The following FARP1 variants were observed in gnomAD, a reference collection of about 807,000 sequenced individuals.
FARP1 encodes FERM, ARH/RhoGEF and pleckstrin domain protein 1, also known as FERM, ARHGEF and pleckstrin domain-containing protein 1.
A neutral mutation model predicts 128.8 loss-of-function variants in FARP1; 52 were observed. That is an observed-to-expected ratio of 0.40 (90% CI 0.32 to 0.51). The LOEUF (loss-of-function observed/expected upper bound fraction) is 0.51, where lower values mean the gene tolerates loss of function less well. FARP1 is among the 20% of genes least tolerant of loss of function. The pLI is 0.45. For missense variants in FARP1, 1,333 were observed against 1,367.9 expected (o/e 0.97, Z 0.40); for synonymous variants, 580 against 551.8 (o/e 1.05, Z -0.72).
chr13:98,192,537 C>T (rs1265815860), intron 1 of FARP1, among the ~76,000 whole-genome samples: 1 of 152,106 alleles, frequency 6.6e-6, no homozygotes, highest in East Asian at 1.9e-4. Context: ...TTACAGACAT[C>T]TGCTACGACG....
rs1892488822 is a variant in FARP1, at chr13:98,440,724, C to T, written c.2684C>T (p.Ala895Val). 2.5e-6 allele frequency: 4 copies of T among 1,613,566 alleles called. No homozygotes were observed. In the East Asian group the frequency reaches 8.9e-5, roughly 36 times the overall value. ...CAGGAGTCAGAGGATGACCTGAGCGCCTCGCGCACATCGCTGGAGCGCCAG... is the reference window on the plus strand; with the variant it reads ...CAGGAGTCAGAGGATGACCTGAGCGTCTCGCGCACATCGCTGGAGCGCCAG... ...ADQESEDDLS[A>V]SRTSLERQAP... The change falls in exon 24 of 27, where the codon GCC becomes GTC. Residue 895 changes from alanine to valine, a missense_variant. By Grantham distance (64) the Ala-to-Val change is moderately conservative. This residue lies in a region of FARP1 where 1,009 missense variants were observed against 969.8 expected (regional missense o/e 1.04). Transcript: ENST00000319562.
At chr13:98,165,541 G>A (rs1438091840) in intron 1 of FARP1, among the ~76,000 whole-genome samples, 3 of 151,728 alleles carry the variant, frequency 2.0e-5, no homozygotes, top group African/African-American at 7.3e-5. Context: ...GAAAAAGTTT[G>A]TTACACAAAT....
intron 8 of FARP1, among the ~76,000 whole-genome samples, chr13:98,386,417 C>G (rs1890101299): frequency 2.0e-5 from 3 of 152,154 alleles, no homozygotes; most frequent in South Asian, 4.1e-4. Flanking sequence ...AATGTGTGCT[C>G]TATTGATCAT....
At chr13:98,198,319 A>G (rs1415482945) in intron 1 of FARP1, among the ~76,000 whole-genome samples, 1 of 152,160 alleles carries the variant, frequency 6.6e-6, no homozygotes, top group African/African-American at 2.4e-5. Context: ...AAAGCATCTC[A>G]ACATAGCCCA....
chr13:98,245,213 T>C lies in FARP1; in HGVS notation c.171+31800T>C. On this transcript the variant is annotated intron_variant, in intron 2 of 26. Coordinates refer to ENST00000319562, the MANE Select transcript of FARP1 (RefSeq NM_005766.4). ...CCATATTACTGTGTTCTGAGAAATC[T>C]ACAGTAATTTTTGTGTAACTTTTTT... 3 of 985,212 alleles carry C rather than the reference T, an allele frequency of 3.0e-6. No homozygotes were observed. The Admixed American group carries it at 1.8e-4, about 60-fold the overall frequency. The allele number at this position is 985,212 out of a possible 1,614,324, so 61.0% of individuals were successfully genotyped here. A position where few individuals can be genotyped will look rare whatever the true frequency, so the allele number is the denominator to read the frequency against.
intron 1 of FARP1, among the ~76,000 whole-genome samples, chr13:98,147,469 C>G (rs1875655907): frequency 6.6e-6 from 1 of 152,090 alleles, no homozygotes; most frequent in African/African-American, 2.4e-5. Context: ...ACTAGACTGC[C>G]TTTAACTCTC....
intron 1 of FARP1, among the ~76,000 whole-genome samples, chr13:98,197,648 T>G (rs1373216398): frequency 6.6e-6 from 1 of 151,804 alleles, no homozygotes; most frequent in African/African-American, 2.4e-5. Context: ...TTAATTTTTT[T>G]TTTTGAGATG....
At chr13:98,384,045 C>G (rs1209365738) in intron 6 of FARP1, 4 of 152,116 alleles carry the variant, frequency 2.6e-5, no homozygotes, top group Admixed American at 2.0e-4. Context: ...TTATAAAGTC[C>G]TGAAGTTTTA....
intron 13 of FARP1, chr13:98,404,357 G>A (rs1890896867): frequency 6.6e-6 from 1 of 152,142 alleles, no homozygotes; most frequent in African/African-American, 2.4e-5. Context: ...GGCTTTTCTT[G>A]TGGAACTTTG....
chr13:98,293,069 C>T (rs920468926), intron 2 of FARP1, among the ~76,000 whole-genome samples: 6 of 151,954 alleles, frequency 3.9e-5, no homozygotes, highest in South Asian at 2.1e-4. Context: ...CCGTTTGTGT[C>T]GGTGGGTATG....
At chr13:98,240,005 C>T (rs754971621) in intron 2 of FARP1, among the ~76,000 whole-genome samples, 5 of 152,084 alleles carry the variant, frequency 3.3e-5, no homozygotes, top group Admixed American at 1.3e-4. Flanking sequence ...AGGTGATATC[C>T]GTGGTGATCC....
upstream of FARP1, chr13:98,142,956 G>C (rs1213143208): frequency 2.7e-5 from 4 of 149,956 alleles, no homozygotes; most frequent in Admixed American, 2.7e-4. Context: ...AGCGGAGCGG[G>C]GCGGGGCGGG....
intron 4 of FARP1, among the ~76,000 whole-genome samples, chr13:98,366,168 A>G (rs1889074777): frequency 6.6e-6 from 1 of 152,090 alleles, no homozygotes; most frequent in Non-Finnish European, 1.5e-5. Flanking sequence ...AGAATACTGT[A>G]TCCTTTTAGT....
intron 6 of FARP1, among the ~76,000 whole-genome samples, chr13:98,378,135 G>C (rs189656449): frequency 2.6e-5 from 4 of 152,302 alleles, no homozygotes; most frequent in African/African-American, 9.6e-5. Flanking sequence ...TTTCTGTTCA[G>C]GTGTTTGTCT....
intron 2 of FARP1, among the ~76,000 whole-genome samples, chr13:98,257,974 A>G (rs549644086): frequency 2.0e-5 from 3 of 152,184 alleles, no homozygotes; most frequent in African/African-American, 7.2e-5. Flanking sequence ...CACCATTGAT[A>G]TATATAATTT....
At chr13:98,372,664 T>G (rs1889400927) in intron 5 of FARP1, among the ~76,000 whole-genome samples, 1 of 152,110 alleles carries the variant, frequency 6.6e-6, no homozygotes, top group Non-Finnish European at 1.5e-5. Flanking sequence ...TGAAATAAAT[T>G]ATTCATATTG....
rs112901397 is a variant in FARP1, at chr13:98,165,527, G to A, written c.-24+22035G>A. Among the ~76,000 whole-genome samples the A allele has an allele frequency of 7.2e-3, 1,095 of 151,932 alleles. 17 individuals carry two copies. The highest frequency in any genetic ancestry group is 0.025 in the African/African-American group (1,024 of 41,432). On this transcript the variant is annotated intron_variant, in intron 1 of 26. Coordinates refer to ENST00000319562, the MANE Select transcript of FARP1 (RefSeq NM_005766.4). ...CTAAAGTTTGTTTTAACAGAAGGCCGTGGGAAAAAGTTTGTTACACAAATA... is the reference window on the plus strand; with the variant it reads ...CTAAAGTTTGTTTTAACAGAAGGCCATGGGAAAAAGTTTGTTACACAAATA...
At chr13:98,163,003 C>T (rs1412829245) in intron 1 of FARP1, among the ~76,000 whole-genome samples, 6 of 152,126 alleles carry the variant, frequency 3.9e-5, no homozygotes, top group Non-Finnish European at 7.3e-5. Context: ...GTCATTCTAC[C>T]ATAAGGACAT....
intron 2 of FARP1, among the ~76,000 whole-genome samples, chr13:98,337,415 A>C (rs966128392): frequency 6.6e-6 from 1 of 152,130 alleles, no homozygotes; most frequent in Non-Finnish European, 1.5e-5. Context: ...TCTTGGAAAA[A>C]CAACAAAACA....
Sources: gnomAD v4.1 joint callset for allele counts (sites outside exome capture counted in the v4.1 genomes callset) on GRCh38, gnomAD v4.1.1 for gene constraint, gnomAD v4.1.1 regional missense constraint, MANE v1.5 for transcripts, NCBI Gene and HGNC (gene_info 2026-07-23, HGNC 2026-07-21) for gene names.